MOB4: variants seen among roughly 807,000 people sequenced by gnomAD.
MOB4 encodes MOB-like protein phocein.
MOB4 carries 4 observed loss-of-function variants against 32.2 expected under a neutral mutation model. The observed-to-expected ratio is 0.12, with a 90% CI of 0.06 to 0.28. The LOEUF is 0.28. Ranked by LOEUF, MOB4 falls within the 10% of genes least tolerant of loss-of-function variation. The pLI is 1.00. For synonymous variants in MOB4, 88 were observed against 88.1 expected (o/e 1.00, Z 0.01); for missense variants, 158 against 271.2 (o/e 0.58, Z 2.93).
chr2:197,523,460 GT>G (rs2086557302), intron 1 of MOB4, among the ~76,000 whole-genome samples, 163 bp from the exon 2 acceptor site: 1 of 152,164 alleles, frequency 6.6e-6, no homozygotes, highest in South Asian at 2.1e-4. Flanking sequence ...GACCCTGTCT[GT>G]AAAAAAGAAA....
chr2:197,534,965 A>T (rs2086772702), intron 2 of MOB4, among the ~76,000 whole-genome samples: 1 of 152,168 alleles, frequency 6.6e-6, no homozygotes, highest in South Asian at 2.1e-4. Flanking sequence ...TTCCTGTCTC[A>T]ATAGATTTTC....
chr2:197,550,519 A>T lies in MOB4; in HGVS notation c.551A>T (p.Glu184Val). 15 of 1,596,788 alleles carry T rather than the reference A, an allele frequency of 9.4e-6. No homozygotes were observed. The highest frequency in any genetic ancestry group is 1.3e-5 in the Non-Finnish European group (15 of 1,174,262). The change falls in exon 8 of 8, where the codon GAA becomes GTA. Residue 184 changes from glutamate to valine, a missense_variant. Glu to Val is a moderately radical substitution (Grantham distance 121). This residue lies in a region of MOB4 where 45 missense variants were observed against 65.6 expected (regional missense o/e 0.69). Transcript: ENST00000323303. ...HRQIFDEYEN[E>V]TFLCHRFTKF... Reference sequence around the variant, plus strand: ...TTTTTGTCTTCCTCTCTACAGAATGAAACATTTTTGTGTCATCGGTTTACT... The same window carrying T: ...TTTTTGTCTTCCTCTCTACAGAATGTAACATTTTTGTGTCATCGGTTTACT...
At chr2:197,516,673 C>G (rs765282794) in intron 1 of MOB4, 2 of 471,640 alleles carry the variant, frequency 4.2e-6, no homozygotes, top group Non-Finnish European at 4.4e-6. Flanking sequence ...CCTTGTTTCC[C>G]TTTGACCACC....
At chr2:197,521,489 AG>A (rs2086517947) in intron 1 of MOB4, among the ~76,000 whole-genome samples, 2 of 152,206 alleles carry the variant, frequency 1.3e-5, no homozygotes, top group African/African-American at 4.8e-5. Context: ...ATCAGGAGAC[AG>A]GGTTTTGAGA....
Position 197,535,520 on chromosome 2 carries a change from T to A in MOB4, c.124-10T>A, listed in dbSNP as rs768602283. The A allele has an allele frequency of 5.1e-6, 8 of 1,582,074 alleles. No homozygotes were observed. In the African/African-American group the frequency reaches 1.1e-4, roughly 22 times the overall value. On this transcript the variant is annotated splice_polypyrimidine_tract_variant and intron_variant, in intron 2 of 7. Transcript: ENST00000323303. ...AATTTAATTAACCATAAGAACTTCTTTGTTTTTAGTATATTCAACAGAACA... is the reference window on the plus strand; with the variant it reads ...AATTTAATTAACCATAAGAACTTCTATGTTTTTAGTATATTCAACAGAACA...
At chr2:197,535,316 C>G (rs1020126216) in intron 2 of MOB4, among the ~76,000 whole-genome samples, 2 of 151,570 alleles carry the variant, frequency 1.3e-5, no homozygotes, top group Non-Finnish European at 2.9e-5. Flanking sequence ...GTAGTAGATT[C>G]TATCCAAATG....
Position 197,552,944 on chromosome 2 carries a change from A to G in MOB4, c.*2298A>G, listed in dbSNP as rs2087121280. The stretch of plus-strand genomic sequence containing the variant: ...TAGGCTTTTCTTTCCAAAAGATCGT[A>G]TAGTCAATTCATTCTTTTTCTCCTA... On this transcript the variant is annotated 3_prime_UTR_variant, in exon 8 of 8. Coordinates refer to ENST00000323303, the MANE Select transcript of MOB4 (RefSeq NM_015387.5). 1 of 152,210 alleles carries G rather than the reference A, an allele frequency of 6.6e-6. No individual in the cohort carries two copies. Among genetic ancestry groups the G allele is most frequent in the South Asian group, 2.1e-4 (1 of 4,832 alleles). 9.4% of individuals were successfully genotyped at this position (152,210 alleles called of 1,614,324 possible). A position where few individuals can be genotyped will look rare whatever the true frequency, so the allele number is the denominator to read the frequency against.
chr2:197,542,628 T>G (rs1350435547), intron 5 of MOB4, among the ~76,000 whole-genome samples: 1 of 152,202 alleles, frequency 6.6e-6, no homozygotes, highest in Non-Finnish European at 1.5e-5. Context: ...CGACAAACAT[T>G]ATAACTTACT....
chr2:197,546,886 A>G (rs544274721), intron 5 of MOB4, among the ~76,000 whole-genome samples: 1 of 152,220 alleles, frequency 6.6e-6, no homozygotes, highest in South Asian at 2.1e-4. Context: ...ATTAACACAC[A>G]TTTTGTATGT....
chr2:197,529,808 C>T (rs1349415554), intron 2 of MOB4, among the ~76,000 whole-genome samples: 2 of 152,028 alleles, frequency 1.3e-5, no homozygotes, highest in Non-Finnish European at 2.9e-5. Flanking sequence ...CGCACACCAC[C>T]GTGCCCAGCT....
At chr2:197,540,064 C>T (rs1215332813) in intron 3 of MOB4, 47 bp from the exon 4 acceptor site, 17 of 1,544,154 alleles carry the variant, frequency 1.1e-5, no homozygotes, top group South Asian at 2.6e-5. Context: ...CTAAAAATTG[C>T]TGTGAAGAAT....
intron 2 of MOB4, among the ~76,000 whole-genome samples, chr2:197,524,755 A>G (rs2086580123): frequency 6.6e-6 from 1 of 151,406 alleles, no homozygotes; most frequent in African/African-American, 2.4e-5. Flanking sequence ...CTGGGATTGC[A>G]AGTATGAGTC....
chr2:197,540,015 G>A, intron 3 of MOB4, 96 bp from the exon 4 acceptor site: 3 of 1,320,874 alleles, frequency 2.3e-6, no homozygotes, highest in South Asian at 1.6e-5. Context: ...GAGGGAGGAG[G>A]GATGATACTG....
At chr2:197,516,875 A>C (rs755473655) in intron 1 of MOB4, 31 of 367,068 alleles carry the variant, frequency 8.4e-5, no homozygotes, top group Non-Finnish European at 1.4e-4. Context: ...ATTGTTTCTT[A>C]GGGTTTGGAA....
intron 1 of MOB4, among the ~76,000 whole-genome samples, chr2:197,518,630 G>A (rs2086459358): frequency 6.9e-6 from 1 of 143,966 alleles, no homozygotes; most frequent in Non-Finnish European, 1.5e-5. Context: ...TGGCACGATC[G>A]CAGCTCACTG....
chr2:197,528,325 C>A (rs2106113189), intron 2 of MOB4, among the ~76,000 whole-genome samples: 1 of 152,186 alleles, frequency 6.6e-6, no homozygotes, highest in Admixed American at 6.5e-5. Context: ...TACTTGATTA[C>A]TAAATGGGTA....
chr2:197,537,174 G>C (rs1193070512), intron 3 of MOB4, among the ~76,000 whole-genome samples: 1 of 152,172 alleles, frequency 6.6e-6, no homozygotes, highest in Non-Finnish European at 1.5e-5. Context: ...CTGAAGTAAG[G>C]AGTTTTGGTG....
At chr2:197,543,434 C>A (rs2086933758) in intron 5 of MOB4, among the ~76,000 whole-genome samples, 1 of 151,322 alleles carries the variant, frequency 6.6e-6, no homozygotes, top group Admixed American at 6.6e-5. Context: ...CCTCCACAAC[C>A]ATGCTTGATA....
chr2:197,535,899 CTTTTT>C (rs1319135434), intron 3 of MOB4, among the ~76,000 whole-genome samples: 3 of 129,292 alleles, frequency 2.3e-5, no homozygotes, highest in Non-Finnish European at 3.4e-5. Context: ...CTTTTCTTTT[CTTTTT>C]TTTTTTTTTT....
Sources: allele counts gnomAD v4.1 joint callset (sites outside exome capture counted in the v4.1 genomes callset), GRCh38; gene constraint gnomAD v4.1.1; regional missense constraint gnomAD v4.1.1; transcripts MANE v1.5; gene names NCBI Gene and HGNC (gene_info 2026-07-23, HGNC 2026-07-21).